The following SUMF1 variants were observed in gnomAD, a reference collection of about 807,000 sequenced individuals.
SUMF1 encodes formylglycine-generating enzyme.
SUMF1 carries 48 observed loss-of-function variants against 47.6 expected under a neutral mutation model. That is an observed-to-expected ratio of 1.01 (90% CI 0.80 to 1.28). SUMF1 has a LOEUF of 1.28. Ranked by LOEUF, SUMF1 falls within the 50% of genes most tolerant of loss-of-function variation. The pLI, the probability that SUMF1 is intolerant of heterozygous loss-of-function variation, is 0.00. For missense variants in SUMF1, 571 were observed against 485.4 expected (o/e 1.18, Z -1.66); for synonymous variants, 230 against 192.1 (o/e 1.20, Z -1.63).
At chr3:4,111,897 G>A (rs1158864217) in intron 8 of SUMF1, among the ~76,000 whole-genome samples, 1 of 152,082 alleles carries the variant, frequency 6.6e-6, no homozygotes, top group South Asian at 2.1e-4. Flanking sequence ...ATTTACTTGA[G>A]AGAAATTCTG....
intron 8 of SUMF1, among the ~76,000 whole-genome samples, chr3:4,167,945 G>A (rs1694747168): frequency 6.6e-6 from 1 of 152,144 alleles, no homozygotes; most frequent in African/African-American, 2.4e-5. Flanking sequence ...GGAAAGCCCA[G>A]CATGAAGTAC....
chr3:4,179,939 A>C (rs1695055751), intron 8 of SUMF1, among the ~76,000 whole-genome samples: 1 of 152,228 alleles, frequency 6.6e-6, no homozygotes, highest in South Asian at 2.1e-4. Flanking sequence ...AGACACATGA[A>C]AAAATTCACA....
intron 8 of SUMF1, among the ~76,000 whole-genome samples, chr3:4,265,252 T>A (rs1347167247): frequency 6.6e-6 from 1 of 151,996 alleles, no homozygotes; most frequent in Non-Finnish European, 1.5e-5. Context: ...CTATTTCTGC[T>A]CATGTTTTCT....
chr3:4,255,244 G>A (rs1316738596), intron 8 of SUMF1, among the ~76,000 whole-genome samples: 1 of 123,482 alleles, frequency 8.1e-6, no homozygotes, highest in Non-Finnish European at 1.8e-5. Context: ...ATAATGACAG[G>A]ATCAAATTCA....
chr3:4,411,667 A>G (rs1701545450), intron 6 of SUMF1, among the ~76,000 whole-genome samples: 1 of 151,644 alleles, frequency 6.6e-6, no homozygotes, highest in Non-Finnish European at 1.5e-5. Flanking sequence ...ACACAGGACC[A>G]AAGTGCAGAG....
intron 8 of SUMF1, among the ~76,000 whole-genome samples, chr3:4,236,168 T>G (rs1696404359): frequency 3.9e-5 from 6 of 152,202 alleles, no homozygotes; most frequent in Admixed American, 3.9e-4. Context: ...ACTTCTGGGC[T>G]AAAGTGATCC....
intron 8 of SUMF1, among the ~76,000 whole-genome samples, chr3:4,141,065 GA>G (rs1252730345): frequency 6.6e-6 from 1 of 152,130 alleles, no homozygotes; most frequent in Non-Finnish European, 1.5e-5. Context: ...TACAGCATTA[GA>G]AGCATATAAT....
chr3:4,381,983 T>C (rs1700518327), intron 7 of SUMF1, among the ~76,000 whole-genome samples: 1 of 152,098 alleles, frequency 6.6e-6, no homozygotes, highest in Non-Finnish European at 1.5e-5. Flanking sequence ...GAGGCAAAGG[T>C]TGCAGTGAGC....
At chr3:4,153,143 G>GT (rs1393383653) in intron 8 of SUMF1, among the ~76,000 whole-genome samples, 3 of 151,410 alleles carry the variant, frequency 2.0e-5, no homozygotes, top group Admixed American at 6.6e-5. Flanking sequence ...GTTGTACACC[G>GT]TAAATACATA....
chr3:4,151,658 G>C (rs1350474020), intron 8 of SUMF1, among the ~76,000 whole-genome samples: 1 of 147,080 alleles, frequency 6.8e-6, no homozygotes, highest in African/African-American at 2.6e-5. Context: ...AAGAAGAATT[G>C]ATTTGGGCCA....
chr3:4,148,121 T>C (rs184294393), intron 8 of SUMF1, among the ~76,000 whole-genome samples: 2 of 152,174 alleles, frequency 1.3e-5, no homozygotes, highest in African/African-American at 4.8e-5. Flanking sequence ...ACCCACTCCT[T>C]TGAACAAACA....
chr3:4,261,328 T>A (rs1368461312), intron 8 of SUMF1, among the ~76,000 whole-genome samples: 1 of 152,010 alleles, frequency 6.6e-6, no homozygotes, highest in Admixed American at 6.5e-5. Context: ...AGAGGACAAG[T>A]AAGTAAAAGG....
intron 8 of SUMF1, among the ~76,000 whole-genome samples, chr3:4,200,873 C>G (rs1695526050): frequency 6.6e-6 from 1 of 152,072 alleles, no homozygotes. Context: ...GGATTCATTT[C>G]TAGACTATCC....
rs114229436 is a variant in SUMF1 at position 4,090,949 on chromosome 3, C to T, written c.1015-22204G>A. 8.3e-3 allele frequency among the ~76,000 whole-genome samples: 1,262 copies of T among 152,032 alleles called. 19 individuals carry two copies. The highest frequency in any genetic ancestry group is 0.029 in the African/African-American group (1,186 of 41,408). ...ACAAAAAACTATCCAGGTGTGGAGG[C>T]ACGCACCCATAATCCCAGCTACTTG... On this transcript the variant is annotated intron_variant and NMD_transcript_variant, in intron 8 of 12. Transcript: ENST00000448413.
chr3:4,151,586 CACAT>C (rs1389074253), intron 8 of SUMF1, among the ~76,000 whole-genome samples: 63 of 147,372 alleles, frequency 4.3e-4, no homozygotes, highest in Non-Finnish European at 8.3e-4. Flanking sequence ...CACACACACA[CACAT>C]GCAAGTATAT....
At chr3:4,323,105 G>C (rs1429333013) in intron 8 of SUMF1, among the ~76,000 whole-genome samples, 2 of 152,046 alleles carry the variant, frequency 1.3e-5, no homozygotes, top group Non-Finnish European at 2.9e-5. Flanking sequence ...AAAAAAAGTA[G>C]GCACAACCCA....
At chr3:4,220,321 T>C (rs1243443614) in intron 8 of SUMF1, among the ~76,000 whole-genome samples, 2 of 152,132 alleles carry the variant, frequency 1.3e-5, no homozygotes, top group Non-Finnish European at 2.9e-5. Flanking sequence ...GTTCCTTTGC[T>C]AAATTCATTT....
chr3:4,398,537 A>G (rs1305960324), intron 7 of SUMF1, among the ~76,000 whole-genome samples: 1 of 152,232 alleles, frequency 6.6e-6, no homozygotes, highest in African/African-American at 2.4e-5. Context: ...GAAGTCACTA[A>G]AAGTAAGCTA....
At chr3:4,422,630 T>A (rs1701938579) in intron 3 of SUMF1, among the ~76,000 whole-genome samples, 1 of 152,138 alleles carries the variant, frequency 6.6e-6, no homozygotes, top group Admixed American at 6.5e-5. Context: ...GGCAAATATA[T>A]GTACGCATTT....
Sources: gnomAD v4.1 joint callset for allele counts (sites outside exome capture counted in the v4.1 genomes callset) on GRCh38, gnomAD v4.1.1 for gene constraint, MANE v1.5 for transcripts, NCBI Gene and HGNC (gene_info 2026-07-23, HGNC 2026-07-21) for gene names.